CAPN6: variants seen among roughly 807,000 people sequenced by gnomAD.
CAPN6 encodes calpain-6.
A neutral mutation model predicts 46.0 loss-of-function variants in CAPN6; 16 were observed. The ratio of observed to expected loss-of-function variants is 0.35; its 90% CI spans 0.24 to 0.53. The LOEUF is 0.53. Ranked by LOEUF, CAPN6 falls within the 20% of genes least tolerant of loss-of-function variation. The probability of loss-of-function intolerance (pLI) is 0.94; values close to 1 mark genes in which losing one functional copy is unlikely to be tolerated. For synonymous variants in CAPN6, 206 were observed against 172.8 expected (o/e 1.19, Z -1.51); for missense variants, 461 against 498.0 (o/e 0.93, Z 0.71).
At position 111,269,715 on chromosome X, in the gene CAPN6, G is replaced by T. The variant is rs1311817755; in HGVS notation, c.-16+656C>A. Among the ~76,000 whole-genome samples the T allele has an allele frequency of 4.5e-5, 5 of 111,782 alleles. No individual in the cohort carries two copies. In the East Asian group the frequency reaches 1.1e-3, roughly 25 times the overall value. ...GAAATCAAAGTTTAAACCAAAGCTGGAATCAGAGGGGAACAAAGCCAGGCC... is the reference window on the plus strand; with the variant it reads ...GAAATCAAAGTTTAAACCAAAGCTGTAATCAGAGGGGAACAAAGCCAGGCC... On this transcript the variant is annotated intron_variant, in intron 1 of 12. Transcript: ENST00000324068.
rs949637668 is a variant in CAPN6 at position 111,251,596 on chromosome X, C to T, written c.846G>A (p.Leu282=). Residue 282 remains leucine, a synonymous_variant, in exon 6 of 13, where the codon CTG becomes CTA. Transcript: ENST00000324068. The part of the protein sequence containing the change: ...FSAEKVYMVR[L]RNPLGRQEWS... ...ATTCCTGTCTTCCCAAGGGGTTTCT[C>T]AGGCGAACCATATACACCTTCTCAG... The T allele has an allele frequency of 1.1e-5, 13 of 1,208,389 alleles. No homozygotes were observed. In the African/African-American group the frequency reaches 2.1e-4, roughly 20 times the overall value.
rs2094981125 is a variant in CAPN6 at position 111,253,203 on chromosome X, T to C, written c.311A>G (p.His104Arg). The change falls in exon 4 of 13, where the codon CAT becomes CGT. Residue 104 changes from histidine (H) to arginine (R), a missense_variant. Physicochemically the swap from His to Arg is conservative, Grantham distance 29. Coordinates refer to ENST00000324068, the MANE Select transcript of CAPN6 (RefSeq NM_014289.4). ...TTGAGGGTCCCATTCCTGTTCCTTATGGTTGGGAATTGTCTAGAAATGCAA... is the reference window on the plus strand; with the variant it reads ...TTGAGGGTCCCATTCCTGTTCCTTACGGTTGGGAATTGTCTAGAAATGCAA... ...ESHWTKTIPN[H>R]KEQEWDPQKT... 3 of 1,199,383 alleles carry C rather than the reference T, an allele frequency of 2.5e-6. No individual in the cohort carries two copies. The highest frequency in any genetic ancestry group is 1.8e-5 in the African/African-American group (1 of 57,020).
chrX:111,268,928 G>GT (rs2094994009), intron 1 of CAPN6, among the ~76,000 whole-genome samples: 1 of 111,709 alleles, frequency 9.0e-6, no homozygotes. Context: ...GTGGGGAGGA[G>GT]GGCAAACATG....
At chrX:111,248,459 T>A in intron 10 of CAPN6, 110 bp downstream of exon 10, 1 of 575,865 alleles carries the variant, frequency 1.7e-6, no homozygotes, top group East Asian at 3.5e-5. Context: ...CAAGTCTGAT[T>A]TAAACAAGTT....
At chrX:111,252,875 G>A in intron 4 of CAPN6, 133 bp downstream of exon 4, 2 of 498,620 alleles carry the variant, frequency 4.0e-6, no homozygotes, top group Non-Finnish European at 3.3e-6. Flanking sequence ...GCAAAGCAAT[G>A]CCTTGGTTCT....
At chrX:111,255,224 A>C (rs920954806) in intron 2 of CAPN6, among the ~76,000 whole-genome samples, 3 of 112,411 alleles carry the variant, frequency 2.7e-5, no homozygotes, top group Non-Finnish European at 5.6e-5. Flanking sequence ...AGTCATTTTC[A>C]AAGCATAATT....
rs182365553 is a variant in CAPN6, at chrX:111,252,799, G to A, written c.506+209C>T. Among the ~76,000 whole-genome samples the A allele has an allele frequency of 3.6e-5, 4 of 111,900 alleles. No homozygotes were observed. The East Asian group carries it at 1.1e-3, about 32-fold the overall frequency. On this transcript the variant is annotated intron_variant, in intron 4 of 12. Transcript: ENST00000324068. ...AAAGGGTACCTGGGAGCAGGTAAGA[G>A]TTTAAATGGAAACAAGAACCTCTGA...
chrX:111,260,981 G>A (rs1227891860), intron 2 of CAPN6, among the ~76,000 whole-genome samples: 1 of 112,720 alleles, frequency 8.9e-6, no homozygotes, highest in Non-Finnish European at 1.9e-5. Context: ...TAAGTGTTCA[G>A]TAAATATTTC....
Position 111,247,509 on chromosome X carries a change from A to G in CAPN6, c.1607-5T>C. ...TGACCAAATATGGGTTTACAGCTGG[A>G]ACAAAGTGACATATGTTTTTAACAC... On this transcript the variant is annotated splice_region_variant and splice_polypyrimidine_tract_variant and intron_variant, in intron 11 of 12. Transcript: ENST00000324068. The G allele has an allele frequency of 8.3e-7, 1 of 1,199,653 alleles. No homozygotes were observed. Among genetic ancestry groups the G allele is most frequent in the Non-Finnish European group, 1.1e-6 (1 of 890,080 alleles).
Position 111,252,468 on chromosome X carries a change from A to G in CAPN6, c.538T>C (p.Leu180=). 1 of 1,209,828 alleles carries G rather than the reference A, an allele frequency of 8.3e-7. No individual in the cohort carries two copies. The highest frequency in any genetic ancestry group is 1.8e-5 in the South Asian group (1 of 56,427). The change falls in exon 5 of 13, where the codon TTG becomes CTG. Residue 180 remains leucine (L), a synonymous_variant. Coordinates refer to ENST00000324068, the MANE Select transcript of CAPN6 (RefSeq NM_014289.4). Reference sequence around the variant, plus strand: ...TCCACAATAATATCAGTGATGGTCAAACCATCCAGGGCCTCATAACAGCCT... The same window carrying G: ...TCCACAATAATATCAGTGATGGTCAGACCATCCAGGGCCTCATAACAGCCT... ...LLGCYEALDG[L]TITDIIVDFT...
rs761638443 is a variant in CAPN6, at chrX:111,254,377, A to T, written c.192T>A (p.Ile64=). 1.7e-6 allele frequency: 2 copies of T among 1,206,300 alleles called. No individual in the cohort carries two copies. Among genetic ancestry groups the T allele is most frequent in the African/African-American group, 3.5e-5 (2 of 56,987 alleles). Reference sequence around the variant, plus strand: ...GCTGGTGGTTGCTAATGTTGCCCACAATCAGATGGGGGTCATCACAGATGT... The same window carrying T: ...GCTGGTGGTTGCTAATGTTGCCCACTATCAGATGGGGGTCATCACAGATGT... ...PQDICDDPHL[I]VGNISNHQLT... is the part of the protein sequence containing the mutation. Residue 64 remains isoleucine, a synonymous_variant, in exon 3 of 13, where the codon ATT becomes ATA. Transcript: ENST00000324068.
intron 1 of CAPN6, among the ~76,000 whole-genome samples, chrX:111,268,650 C>T (rs1185357343): frequency 1.1e-4 from 12 of 112,784 alleles, no homozygotes; most frequent in Non-Finnish European, 2.1e-4. Flanking sequence ...ATTCTCTACA[C>T]CTCCCTATTT....
rs17885163 is a variant in CAPN6 at position 111,253,082 on chromosome X, G to A, written c.432C>T (p.Asn144=). Residue 144 remains asparagine (N), a synonymous_variant, in exon 4 of 13, where the codon AAC becomes AAT. Coordinates refer to ENST00000324068, the MANE Select transcript of CAPN6 (RefSeq NM_014289.4). ...VVIDDLLPTI[N]GDLVFSFSTS... is the part of the protein sequence containing the mutation. ...TGGAGAAAGAGAAGACCAGATCTCC[G>A]TTAATGGTGGGCAACAAGTCATCAA... 0.02 allele frequency: 23,615 copies of A among 1,209,026 alleles called. 192 individuals carry two copies. The highest frequency in any genetic ancestry group is 0.025 in the South Asian group (1,417 of 56,799).
At chrX:111,251,803 T>C (rs968574823) in intron 5 of CAPN6, 61 bp from the exon 6 acceptor site, 26 of 975,938 alleles carry the variant, frequency 2.7e-5, no homozygotes, top group Non-Finnish European at 3.1e-5. Context: ...CTGACTCCTC[T>C]TCTTCATTAA....
chrX:111,253,298 T>C, intron 3 of CAPN6, 82 bp from the exon 4 acceptor site: 1 of 764,484 alleles, frequency 1.3e-6, no homozygotes, highest in South Asian at 2.4e-5. Context: ...TCCTGGCAAA[T>C]CTACAGGGCA....
In CAPN6 at chrX:111,270,424, T is replaced by C. The variant is rs2094995234; in HGVS notation, c.-69A>G. The C allele has an allele frequency of 2.8e-6, 1 of 350,968 alleles. No homozygotes were observed. The highest frequency in any genetic ancestry group is 2.6e-5 in the South Asian group (1 of 38,401). The allele number at this position is 350,968 out of a possible 1,213,427, so 28.9% of individuals were successfully genotyped here. A position where few individuals can be genotyped will look rare whatever the true frequency, so the allele number is the denominator to read the frequency against. ...CTGCTGCTGCTGCTGCTGCTGCTGC[T>C]GCCGTTGCCGCTGCTGCTGTTAGCC... On this transcript the variant is annotated 5_prime_UTR_variant, in exon 1 of 13. Transcript: ENST00000324068.
At chrX:111,260,154 T>C (rs1472569316) in intron 2 of CAPN6, among the ~76,000 whole-genome samples, 1 of 111,834 alleles carries the variant, frequency 8.9e-6, no homozygotes, top group African/African-American at 3.3e-5. Context: ...TGATCTGGCA[T>C]TGAACAATTG....
intron 2 of CAPN6, among the ~76,000 whole-genome samples, chrX:111,261,047 C>T (rs1203866826): frequency 8.0e-5 from 9 of 111,971 alleles, no homozygotes; most frequent in Non-Finnish European, 1.5e-4. Flanking sequence ...TGCTCTCAAA[C>T]GGGAGAGTGT....
intron 1 of CAPN6, among the ~76,000 whole-genome samples, chrX:111,265,230 T>C (rs542545542): frequency 8.0e-5 from 9 of 112,483 alleles, no homozygotes; most frequent in African/African-American, 2.9e-4. Flanking sequence ...CAGTATCACA[T>C]TGAAATGCCT....
Sources: gnomAD v4.1 joint callset for allele counts (sites outside exome capture counted in the v4.1 genomes callset) on GRCh38, gnomAD v4.1.1 for gene constraint, MANE v1.5 for transcripts, NCBI Gene and HGNC (gene_info 2026-07-23, HGNC 2026-07-21) for gene names.